The following PUS7 variants were observed in gnomAD, a reference collection of about 807,000 sequenced individuals.
The protein encoded by PUS7 is pseudouridylate synthase 7 homolog.
Under a neutral mutation model 79.8 loss-of-function variants are expected in PUS7, and 48 were observed. The ratio of observed to expected loss-of-function variants is 0.60; its 90% CI spans 0.48 to 0.76. PUS7 has a LOEUF of 0.76. PUS7 is among the 30% of genes least tolerant of loss of function. The pLI is 0.00. For synonymous variants in PUS7, 286 were observed against 272.2 expected (o/e 1.05, Z -0.50); for missense variants, 729 against 797.6 (o/e 0.91, Z 1.04).
chr7:105,499,554 TA>T (rs1022809909), intron 5 of PUS7, among the ~76,000 whole-genome samples: 9 of 152,136 alleles, frequency 5.9e-5, no homozygotes, highest in Admixed American at 1.3e-4. Flanking sequence ...GATGGTATTT[TA>T]AAAAAAAATC....
chr7:105,474,042 A>C (rs1823982870), intron 9 of PUS7, among the ~76,000 whole-genome samples: 1 of 152,194 alleles, frequency 6.6e-6, no homozygotes, highest in Non-Finnish European at 1.5e-5. Flanking sequence ...ATTACATCTG[A>C]AAGTTTTCCT....
intron 4 of PUS7, among the ~76,000 whole-genome samples, chr7:105,504,849 T>C (rs976877167): frequency 1.3e-5 from 2 of 152,038 alleles, no homozygotes; most frequent in African/African-American, 4.8e-5. Flanking sequence ...CCACACGCTT[T>C]TGGGAAGCTC....
chr7:105,466,352 G>C (rs968386868), intron 12 of PUS7, among the ~76,000 whole-genome samples: 2 of 151,828 alleles, frequency 1.3e-5, no homozygotes, highest in African/African-American at 4.8e-5. Context: ...CAACCTCCTG[G>C]GCTCAAGTGA....
At chr7:105,485,128 T>C (rs1415765363) in intron 7 of PUS7, among the ~76,000 whole-genome samples, 1 of 152,076 alleles carries the variant, frequency 6.6e-6, no homozygotes, top group African/African-American at 2.4e-5. Flanking sequence ...GTGCTGGGAT[T>C]ACAGGGGTCA....
rs148992657 is a variant in PUS7, at chr7:105,519,159, C to G, written c.-33+2893G>C. Among the ~76,000 whole-genome samples the G allele has an allele frequency of 1.9e-3, 296 of 152,254 alleles. 1 individual carries two copies. Among genetic ancestry groups the G allele is most frequent in the African/African-American group, 6.8e-3 (284 of 41,552 alleles). ...TGTAAATACATCTTTCCTCCATCCC[C>G]TGCAAATTATCAGTAATCTCTATAG... On this transcript the variant is annotated intron_variant, in intron 1 of 15. Transcript: ENST00000469408.
intron 7 of PUS7, among the ~76,000 whole-genome samples, chr7:105,487,707 T>C (rs1480796182): frequency 6.6e-6 from 1 of 152,166 alleles, no homozygotes; most frequent in Non-Finnish European, 1.5e-5. Context: ...AGGAACCAAT[T>C]AAGCAACATG....
intron 7 of PUS7, among the ~76,000 whole-genome samples, chr7:105,486,598 A>G (rs1199490019): frequency 6.6e-6 from 1 of 152,194 alleles, no homozygotes; most frequent in African/African-American, 2.4e-5. Context: ...AACGGGGGAC[A>G]AAACTCCTCT....
chr7:105,504,908 G>A, intron 4 of PUS7, among the ~76,000 whole-genome samples: 1 of 152,056 alleles, frequency 6.6e-6, no homozygotes. Flanking sequence ...AAAAGTTGTA[G>A]TACGCTTATT....
chr7:105,478,522 G>C (rs1363227911), intron 9 of PUS7, among the ~76,000 whole-genome samples: 2 of 152,120 alleles, frequency 1.3e-5, no homozygotes, highest in Non-Finnish European at 2.9e-5. Context: ...GTAAGAAGTG[G>C]CATCTCACTG....
intron 1 of PUS7, among the ~76,000 whole-genome samples, 179 bp downstream of exon 1, chr7:105,521,873 C>G (rs1332335613): frequency 6.6e-6 from 1 of 151,996 alleles, no homozygotes; most frequent in African/African-American, 2.4e-5. Context: ...TGGGTTCCAA[C>G]CGTGCTCCCG....
intron 9 of PUS7, among the ~76,000 whole-genome samples, chr7:105,473,266 T>C (rs2133088685): frequency 6.6e-6 from 1 of 152,286 alleles, no homozygotes; most frequent in East Asian, 1.9e-4. Context: ...AAATTTTATT[T>C]GTTGAGACAG....
intron 1 of PUS7, among the ~76,000 whole-genome samples, chr7:105,509,533 T>G (rs1011667548): frequency 6.6e-5 from 10 of 152,218 alleles, no homozygotes; most frequent in African/African-American, 2.4e-4. Context: ...TGCAGTGGCA[T>G]GATCACAGCT....
chr7:105,493,400 T>C (rs1272745029), intron 6 of PUS7, among the ~76,000 whole-genome samples: 4 of 152,240 alleles, frequency 2.6e-5, no homozygotes, highest in Non-Finnish European at 5.9e-5. Flanking sequence ...CACCCACCTA[T>C]TCCTGTCAAG....
Position 105,462,684 on chromosome 7 carries a change from A to G in PUS7, c.1694T>C (p.Ile565Thr). Reference sequence around the variant, plus strand: ...GGCCCCTGACAAGGAATAATCTCGAATTTTGTGTCTCATGTTGTCAATATC... The same window carrying G: ...GGCCCCTGACAAGGAATAATCTCGAGTTTTGTGTCTCATGTTGTCAATATC... Reference protein sequence around the residue: ...NLDIDNMRHKIRDYSLSGAYR... With the variant: ...NLDIDNMRHKTRDYSLSGAYR... The change falls in exon 14 of 16, where the codon ATT (isoleucine) becomes ACT (threonine). Residue 565 changes from isoleucine (I) to threonine (T), a missense_variant. By Grantham distance (89) the Ile-to-Thr change is moderately conservative (BLOSUM62 -1). Coordinates refer to ENST00000469408, the MANE Select transcript of PUS7 (RefSeq NM_019042.5). 6.2e-7 allele frequency: 1 copy of G among 1,613,834 alleles called. No homozygotes were observed. The highest frequency in any genetic ancestry group is 8.5e-7 in the Non-Finnish European group (1 of 1,179,884).
At chr7:105,488,656 A>ACATT (rs1345441651) in intron 7 of PUS7, among the ~76,000 whole-genome samples, 2 of 152,228 alleles carry the variant, frequency 1.3e-5, no homozygotes, top group African/African-American at 4.8e-5. Flanking sequence ...ATATATCCAT[A>ACATT]CATTCAAACA....
At chr7:105,503,163 G>T (rs1825323385) in intron 4 of PUS7, among the ~76,000 whole-genome samples, 1 of 152,120 alleles carries the variant, frequency 6.6e-6, no homozygotes. Flanking sequence ...GTGAGGAATT[G>T]TGTCTGCGGT....
intron 7 of PUS7, 135 bp from the exon 8 acceptor site, chr7:105,482,575 C>T (rs948445785): frequency 9.2e-6 from 8 of 872,950 alleles, no homozygotes; most frequent in Non-Finnish European, 1.4e-5. Context: ...AAAGGCACTG[C>T]AGCAGGTGAG....
In PUS7 at chr7:105,508,286, G is replaced by C. The variant is rs1586173088; in HGVS notation, c.227C>G (p.Ala76Gly). The change falls in exon 2 of 16, where the codon GCT becomes GGT. Residue 76 changes from alanine to glycine, a missense_variant. Physicochemically the swap from Ala to Gly is moderately conservative, Grantham distance 60 (BLOSUM62 0). Transcript: ENST00000469408. Reference protein sequence around the residue: ...STGKGGKNSEAQLEDEEEEEE... With the variant: ...STGKGGKNSEGQLEDEEEEEE... ...CTCTTCTTCCTCATCTTCCAACTGA[G>C]CCTCAGAATTCTTTCCACCTTTCCC... The C allele has an allele frequency of 7.4e-6, 12 of 1,613,924 alleles. No homozygotes were observed. The highest frequency in any genetic ancestry group is 3.3e-4 in the Middle Eastern group (2 of 6,084).
In PUS7 at chr7:105,468,462, A is replaced by G. The variant is rs879201666; in HGVS notation, c.1400T>C (p.Ile467Thr). The G allele has an allele frequency of 6.3e-7, 1 of 1,589,330 alleles. No individual in the cohort carries two copies. The highest frequency in any genetic ancestry group is 8.5e-7 in the Non-Finnish European group (1 of 1,170,116). Residue 467 changes from isoleucine (I) to threonine (T), a missense_variant and splice_region_variant, in exon 12 of 16, where the codon ATA (isoleucine) becomes ACA (threonine). Physicochemically the swap from Ile to Thr is moderately conservative, Grantham distance 89. Coordinates refer to ENST00000469408, the MANE Select transcript of PUS7 (RefSeq NM_019042.5). ...ATACATTAAGCGATTATTTCTGGGTATCTGGAGGGAAGGAAAAAAATAGGC... is the reference window on the plus strand; with the variant it reads ...ATACATTAAGCGATTATTTCTGGGTGTCTGGAGGGAAGGAAAAAAATAGGC... ...MKNIVSAFGI[I>T]PRNNRLMYIH...
Sources: gnomAD v4.1 joint callset for allele counts (sites outside exome capture counted in the v4.1 genomes callset) on GRCh38, gnomAD v4.1.1 for gene constraint, MANE v1.5 for transcripts, NCBI Gene and HGNC (gene_info 2026-07-23, HGNC 2026-07-21) for gene names.